Variants in CFAP299 observed in about 807,000 individuals in gnomAD.
The protein encoded by CFAP299 is cilia- and flagella-associated protein 299.
Under a neutral mutation model 27.0 loss-of-function variants are expected in CFAP299, and 21 were observed. That is an observed-to-expected ratio of 0.78 (90% CI 0.55 to 1.12). The LOEUF is 1.12. Among genes scored for constraint, CFAP299 ranks in the 50% most tolerant of loss-of-function variants. The pLI is 0.00. For missense variants in CFAP299, 310 were observed against 276.6 expected (o/e 1.12, Z -0.86); for synonymous variants, 104 against 98.1 (o/e 1.06, Z -0.36).
At chr4:80,664,702 G>A (rs944121409) in intron 3 of CFAP299, among the ~76,000 whole-genome samples, 2 of 152,038 alleles carry the variant, frequency 1.3e-5, no homozygotes, top group East Asian at 3.9e-4. Flanking sequence ...AGACCACTTG[G>A]TTACCTGGTT....
intron 3 of CFAP299, among the ~76,000 whole-genome samples, chr4:80,603,377 C>T (rs760931653): frequency 3.9e-5 from 6 of 152,104 alleles, no homozygotes; most frequent in African/African-American, 4.8e-5. Context: ...ATTTTTGCTT[C>T]TCAATATAAT....
chr4:80,474,809 G>C (rs890405874), intron 2 of CFAP299, among the ~76,000 whole-genome samples: 3 of 152,188 alleles, frequency 2.0e-5, no homozygotes, highest in Non-Finnish European at 2.9e-5. Flanking sequence ...TGAGAAAGAC[G>C]TGGTACCTGT....
intron 4 of CFAP299, among the ~76,000 whole-genome samples, chr4:80,916,270 T>TATATATAC (rs1331273939): frequency 1.0e-5 from 1 of 96,642 alleles, no homozygotes; most frequent in Non-Finnish European, 1.8e-5. Flanking sequence ...TATATATATA[T>TATATATAC]ATATATATAT....
At chr4:80,773,806 T>C (rs545630465) in intron 3 of CFAP299, among the ~76,000 whole-genome samples, 2 of 152,138 alleles carry the variant, frequency 1.3e-5, no homozygotes, top group South Asian at 4.1e-4. Context: ...AATTGTAATT[T>C]CTTAGGTCAA....
At position 80,565,945 on chromosome 4, in the gene CFAP299, G is replaced by A. The variant is rs149771014; in HGVS notation, c.243-17148G>A. 2.6e-3 allele frequency among the ~76,000 whole-genome samples: 401 copies of A among 152,082 alleles called. 1 individual carries two copies. The highest frequency in any genetic ancestry group is 4.0e-3 in the Non-Finnish European group (275 of 67,980). ...ATACAGGGAGTGTTAACTGACTTAG[G>A]GTCTCATCACTCTTTGAAATCCGTG... On this transcript the variant is annotated intron_variant, in intron 2 of 5. Coordinates refer to ENST00000358105, the MANE Select transcript of CFAP299 (RefSeq NM_152770.3).
At chr4:80,851,009 G>C (rs768220388) in intron 3 of CFAP299, among the ~76,000 whole-genome samples, 3 of 151,696 alleles carry the variant, frequency 2.0e-5, no homozygotes, top group Non-Finnish European at 4.4e-5. Context: ...ACAAACATAA[G>C]AGCAAATTTA....
chr4:80,848,361 T>A (rs910516066), intron 3 of CFAP299, among the ~76,000 whole-genome samples: 1 of 152,184 alleles, frequency 6.6e-6, no homozygotes, highest in Admixed American at 6.5e-5. Flanking sequence ...GGCAATTTCA[T>A]CTTTTTGTAA....
chr4:80,467,338 T>C (rs1303809462), intron 2 of CFAP299, among the ~76,000 whole-genome samples: 1 of 152,226 alleles, frequency 6.6e-6, no homozygotes, highest in Non-Finnish European at 1.5e-5. Context: ...AGTCTATACC[T>C]TGATGTACCA....
chr4:80,366,826 A>G (rs1034546555), intron 2 of CFAP299, among the ~76,000 whole-genome samples: 1 of 152,202 alleles, frequency 6.6e-6, no homozygotes, highest in African/African-American at 2.4e-5. Flanking sequence ...CAACTGATGA[A>G]TGGATAAAAA....
chr4:80,777,908 A>C (rs957845455), intron 3 of CFAP299, among the ~76,000 whole-genome samples: 2 of 152,174 alleles, frequency 1.3e-5, no homozygotes, highest in African/African-American at 4.8e-5. Flanking sequence ...GAAGCTGGTC[A>C]ATAGGTACAG....
chr4:80,678,935 C>G (rs190034715), intron 3 of CFAP299, among the ~76,000 whole-genome samples: 5 of 152,142 alleles, frequency 3.3e-5, no homozygotes, highest in African/African-American at 1.2e-4. Context: ...TCAGTTTTCA[C>G]AAGTTGCTAC....
intron 3 of CFAP299, among the ~76,000 whole-genome samples, chr4:80,619,556 A>C (rs1738468112): frequency 6.6e-6 from 1 of 152,138 alleles, no homozygotes; most frequent in African/African-American, 2.4e-5. Context: ...GATGGCTTAC[A>C]TATTATATAT....
intron 2 of CFAP299, among the ~76,000 whole-genome samples, chr4:80,562,466 C>T (rs570797658): frequency 5.3e-5 from 8 of 151,622 alleles, no homozygotes; most frequent in Admixed American, 2.6e-4. Context: ...GGTGTAGTGG[C>T]GGGTGCCCGT....
intron 2 of CFAP299, among the ~76,000 whole-genome samples, chr4:80,516,173 A>G (rs2110169219): frequency 6.6e-6 from 1 of 152,014 alleles, no homozygotes; most frequent in African/African-American, 2.4e-5. Flanking sequence ...GGTGCCTGCT[A>G]TCATGCCTGG....
At chr4:80,379,214 C>T (rs1724573644) in intron 2 of CFAP299, among the ~76,000 whole-genome samples, 1 of 151,984 alleles carries the variant, frequency 6.6e-6, no homozygotes, top group South Asian at 2.1e-4. Flanking sequence ...AATCTATAGG[C>T]ATAAAGTCAT....
chr4:80,448,395 G>C (rs1337777173), intron 2 of CFAP299, among the ~76,000 whole-genome samples: 1 of 152,094 alleles, frequency 6.6e-6, no homozygotes, highest in Non-Finnish European at 1.5e-5. Context: ...TTCTGAAGGT[G>C]TTAAAATTAA....
At chr4:80,651,258 CCTTT>C (rs1006660113) in intron 3 of CFAP299, among the ~76,000 whole-genome samples, 19 of 148,462 alleles carry the variant, frequency 1.3e-4, no homozygotes, top group Admixed American at 9.5e-4. Context: ...TTCCTTCCTT[CCTTT>C]CTTTCTCTTT....
intron 3 of CFAP299, among the ~76,000 whole-genome samples, chr4:80,652,959 T>C (rs1459001594): frequency 1.3e-5 from 2 of 152,112 alleles, no homozygotes; most frequent in Non-Finnish European, 2.9e-5. Context: ...TCAGGAAGTA[T>C]AGTAAGTTCA....
chr4:80,902,631 G>A (rs1223249963), intron 4 of CFAP299, among the ~76,000 whole-genome samples: 1 of 94,850 alleles, frequency 1.1e-5, no homozygotes, highest in Non-Finnish European at 2.6e-5. Flanking sequence ...ACACACTTTG[G>A]TGACTCCCTA....
Sources: allele counts gnomAD v4.1 joint callset (sites outside exome capture counted in the v4.1 genomes callset), GRCh38; gene constraint gnomAD v4.1.1; transcripts MANE v1.5; gene names NCBI Gene and HGNC (gene_info 2026-07-23, HGNC 2026-07-21).